MLANA: variants seen among roughly 807,000 people sequenced by gnomAD.
The protein encoded by MLANA is melanoma antigen recognized by T-cells 1.
Under a neutral mutation model 15.7 loss-of-function variants are expected in MLANA, and 21 were observed. That is an observed-to-expected ratio of 1.33 (90% CI 0.95 to 1.92). The LOEUF (loss-of-function observed/expected upper bound fraction) is 1.92, where lower values mean the gene tolerates loss of function less well. Among genes scored for constraint, MLANA ranks in the 40% most tolerant of loss-of-function variants. The pLI, the probability that MLANA is intolerant of heterozygous loss-of-function variation, is 0.00. For synonymous variants in MLANA, 56 were observed against 51.5 expected (o/e 1.09, Z -0.37); for missense variants, 164 against 143.8 (o/e 1.14, Z -0.72).
In MLANA at chr9:5,909,734, A is replaced by T. The variant is rs1563825718; in HGVS notation, c.*1026A>T. The stretch of plus-strand genomic sequence containing the variant: ...GTGCTGATGCCTGTGTACTGCCTTA[A>T]ATGTACCTATGGCAATTTAGCTCTC... On this transcript the variant is annotated 3_prime_UTR_variant, in exon 5 of 5. Transcript: ENST00000381477. 6.6e-6 allele frequency: 1 copy of T among 152,272 alleles called. No homozygotes were observed. Among genetic ancestry groups the T allele is most frequent in the East Asian group, 1.9e-4 (1 of 5,186 alleles). The allele number at this position is 152,272 out of a possible 1,614,324, so 9.4% of individuals were successfully genotyped here. A position where few individuals can be genotyped will look rare whatever the true frequency, so the allele number is the denominator to read the frequency against.
chr9:5,905,772 C>A (rs1832764193), intron 3 of MLANA, among the ~76,000 whole-genome samples: 1 of 152,154 alleles, frequency 6.6e-6, no homozygotes, highest in Non-Finnish European at 1.5e-5. Flanking sequence ...ATGATTTTTA[C>A]CTACAATTCC....
chr9:5,896,365 T>C (rs1832020924), intron 2 of MLANA, among the ~76,000 whole-genome samples: 1 of 152,212 alleles, frequency 6.6e-6, no homozygotes, highest in Admixed American at 6.5e-5. Context: ...AGCTTCCTGA[T>C]CTATAAAGCG....
chr9:5,905,102 G>A (rs1313703204), intron 3 of MLANA, among the ~76,000 whole-genome samples: 1 of 151,966 alleles, frequency 6.6e-6, no homozygotes, highest in Non-Finnish European at 1.5e-5. Flanking sequence ...TTTTTCAGTG[G>A]TTTCCCTAGA....
chr9:5,897,900 T>C (rs1171508779), intron 3 of MLANA, among the ~76,000 whole-genome samples: 1 of 152,238 alleles, frequency 6.6e-6, no homozygotes, highest in Non-Finnish European at 1.5e-5. Context: ...CGAGAGACTG[T>C]AATTTATAAA....
In MLANA at chr9:5,897,635, T is replaced by C. The variant is rs1368196490; in HGVS notation, c.156T>C (p.Asn52=). ...LIGCWYCRRR[N]GYRALMDKSL... is the part of the protein sequence containing the mutation. ...GCTGTTGGTATTGTAGAAGACGAAA[T>C]GGATACAGAGCCTTGATGGTTGGTA... Residue 52 remains asparagine (N), a synonymous_variant, in exon 3 of 5, where the codon AAT becomes AAC. Transcript: ENST00000381477. The C allele has an allele frequency of 1.9e-6, 3 of 1,613,952 alleles. No individual in the cohort carries two copies. Among genetic ancestry groups the C allele is most frequent in the South Asian group, 1.1e-5 (1 of 91,090 alleles).
intron 1 of MLANA, among the ~76,000 whole-genome samples, chr9:5,891,546 T>C (rs543742989): frequency 6.6e-6 from 1 of 152,276 alleles, no homozygotes; most frequent in African/African-American, 2.4e-5. Context: ...ATTAATATAA[T>C]TCTATGGGGA....
intron 3 of MLANA, among the ~76,000 whole-genome samples, chr9:5,903,043 A>C (rs1832548713): frequency 6.6e-6 from 1 of 152,196 alleles, no homozygotes. Context: ...CATTTAATTC[A>C]AAATATATTT....
chr9:5,897,685 C>G (rs1338414532), intron 3 of MLANA, 32 bp downstream of exon 3: 6 of 1,552,178 alleles, frequency 3.9e-6, no homozygotes, highest in Non-Finnish European at 5.3e-6. Context: ...GAAATCCCTC[C>G]AAGTCCAGGG....
chr9:5,907,562 A>T (rs1466400062), intron 4 of MLANA, among the ~76,000 whole-genome samples: 1 of 152,236 alleles, frequency 6.6e-6, no homozygotes, highest in Non-Finnish European at 1.5e-5. Context: ...ATATTGATTC[A>T]CCTTGAAATA....
chr9:5,892,389 T>C, intron 1 of MLANA, 61 bp from the exon 2 acceptor site: 1 of 1,187,886 alleles, frequency 8.4e-7, no homozygotes, highest in Admixed American at 2.1e-5. Context: ...TGGGTCTTTA[T>C]GAGATGATGA....
intron 4 of MLANA, among the ~76,000 whole-genome samples, chr9:5,908,295 G>C (rs1047671825): frequency 3.9e-5 from 6 of 152,110 alleles, no homozygotes; most frequent in African/African-American, 1.2e-4. Flanking sequence ...CAATTACAAC[G>C]ATCTCTGTGG....
Position 5,892,381 on chromosome 9 carries a change from G to A in MLANA, c.-25-69G>A, listed in dbSNP as rs1011721556. 6 of 1,132,264 alleles carry A rather than the reference G, an allele frequency of 5.3e-6. No individual in the cohort carries two copies. The African/African-American group carries it at 9.4e-5, about 18-fold the overall frequency. 70.1% of individuals were successfully genotyped at this position (1,132,264 alleles called of 1,614,324 possible). A position where few individuals can be genotyped will look rare whatever the true frequency, so the allele number is the denominator to read the frequency against. ...GTCACCTAGTGAGGATGCTGTTGTG[G>A]GTCTTTATGAGATGATGAATAGGGT... is the stretch of plus-strand genomic sequence containing the variant. On this transcript the variant is annotated intron_variant, in intron 1 of 4. Transcript: ENST00000381477.
Position 5,892,578 on chromosome 9 carries a change from G to A in MLANA, c.77+27G>A, listed in dbSNP as rs375419724. ...TAAGTTCAAAACCAGACCCAGCAGG[G>A]CTTCCAGTTTGCCGTTTGCTGACAC... On this transcript the variant is annotated intron_variant, in intron 2 of 4. Transcript: ENST00000381477. The A allele has an allele frequency of 4.5e-5, 72 of 1,603,352 alleles. No homozygotes were observed. In the African/African-American group the frequency reaches 7.1e-4, roughly 16 times the overall value.
chr9:5,902,430 T>C (rs758938345), intron 3 of MLANA, among the ~76,000 whole-genome samples: 52 of 152,264 alleles, frequency 3.4e-4, no homozygotes, highest in Non-Finnish European at 2.2e-4. Context: ...TTTGGTTTCA[T>C]TGATTTACTC....
chr9:5,897,694 G>A (rs373787626), intron 3 of MLANA, 41 bp downstream of exon 3: 1 of 1,530,594 alleles, frequency 6.5e-7, no homozygotes, highest in African/African-American at 1.4e-5. Context: ...CCAAGTCCAG[G>A]GCCCTCTTTC....
intron 2 of MLANA, 62 bp downstream of exon 2, chr9:5,892,613 A>C: frequency 3.6e-6 from 5 of 1,397,160 alleles, no homozygotes; most frequent in Non-Finnish European, 5.0e-6. Flanking sequence ...CAGCCTGCTG[A>C]CTTCCACCAG....
At chr9:5,898,474 C>A (rs1832188536) in intron 3 of MLANA, among the ~76,000 whole-genome samples, 1 of 152,180 alleles carries the variant, frequency 6.6e-6, no homozygotes, top group South Asian at 2.1e-4. Context: ...TACCTCTTAC[C>A]ATTGTTGCAT....
At chr9:5,901,348 G>C (rs1055184195) in intron 3 of MLANA, among the ~76,000 whole-genome samples, 2 of 152,048 alleles carry the variant, frequency 1.3e-5, no homozygotes, top group African/African-American at 4.8e-5. Flanking sequence ...TTGATTTTTT[G>C]TACCTAGATA....
intron 3 of MLANA, among the ~76,000 whole-genome samples, chr9:5,899,486 T>C (rs1832272644): frequency 6.6e-6 from 1 of 152,190 alleles, no homozygotes; most frequent in Admixed American, 6.5e-5. Context: ...CATAGCCCTC[T>C]AGTGTGCTGA....
Sources: gnomAD v4.1 joint callset for allele counts (sites outside exome capture counted in the v4.1 genomes callset) on GRCh38, gnomAD v4.1.1 for gene constraint, MANE v1.5 for transcripts, NCBI Gene and HGNC (gene_info 2026-07-23, HGNC 2026-07-21) for gene names.